ZNF681: variants seen among roughly 807,000 people sequenced by gnomAD.
The protein encoded by ZNF681 is hypothetical protein FLJ31526.
Under a neutral mutation model 56.0 loss-of-function variants are expected in ZNF681, and 37 were observed. The ratio of observed to expected loss-of-function variants is 0.66; its 90% CI spans 0.51 to 0.87. ZNF681 has a LOEUF of 0.87. ZNF681 is among the 40% of genes least tolerant of loss of function. The probability of loss-of-function intolerance (pLI) is 0.00; values close to 1 mark genes in which losing one functional copy is unlikely to be tolerated. For missense variants in ZNF681, 741 were observed against 744.9 expected (o/e 0.99, Z 0.06); for synonymous variants, 225 against 248.6 (o/e 0.91, Z 0.89).
At chr19:23,747,328 C>T (rs1194413454) in intron 3 of ZNF681, among the ~76,000 whole-genome samples, 1 of 152,054 alleles carries the variant, frequency 6.6e-6, no homozygotes, top group East Asian at 1.9e-4. Flanking sequence ...TGAATATATT[C>T]AATATAATTT....
chr19:23,754,913 C>A lies in ZNF681; in HGVS notation c.136G>T (p.Val46Phe). The A allele has an allele frequency of 6.2e-7, 1 of 1,611,276 alleles. No homozygotes were observed. The highest frequency in any genetic ancestry group is 8.5e-7 in the Non-Finnish European group (1 of 1,179,170). The part of the protein sequence containing the change: ...NYRNLVFLGI[V>F]VSKPDLITCL... ...GTGATCAGGTCTGGCTTAGAGACAA[C>A]AATACCTGTTTTATTGAAAGTAAAT... The change falls in exon 3 of 4, where the codon GTT becomes TTT. Residue 46 changes from valine (V) to phenylalanine (F), a missense_variant. By Grantham distance (50) the Val-to-Phe change is conservative. Transcript: ENST00000402377.
chr19:23,749,350 G>A (rs753724394), intron 3 of ZNF681, among the ~76,000 whole-genome samples: 1 of 152,110 alleles, frequency 6.6e-6, no homozygotes, highest in African/African-American at 2.4e-5. Flanking sequence ...ATGTTCAGCT[G>A]TTACTTAATG....
chr19:23,745,643 G>T (rs1490650299), intron 3 of ZNF681, among the ~76,000 whole-genome samples: 1 of 151,694 alleles, frequency 6.6e-6, no homozygotes, highest in Non-Finnish European at 1.5e-5. Flanking sequence ...AGTAGAAACG[G>T]GGTTTCACCA....
In ZNF681 at chr19:23,739,832, T is replaced by C. The variant is rs1968856605; in HGVS notation, c.*3780A>G. On this transcript the variant is annotated 3_prime_UTR_variant, in exon 4 of 4. Transcript: ENST00000402377. ...CTGAACTTCACCCACTAAAAAAACATATAAAACTGAGAAAATTTCTTCAAA... is the reference window on the plus strand; with the variant it reads ...CTGAACTTCACCCACTAAAAAAACACATAAAACTGAGAAAATTTCTTCAAA... The C allele has an allele frequency of 6.6e-6, 1 of 152,088 alleles. No homozygotes were observed. Among genetic ancestry groups the C allele is most frequent in the African/African-American group, 2.4e-5 (1 of 41,412 alleles). 9.4% of individuals were successfully genotyped at this position (152,088 alleles called of 1,614,324 possible).
In ZNF681 at chr19:23,740,169, T is replaced by G. The variant is rs1302813566; in HGVS notation, c.*3443A>C. ...GACACTGTATGCTTTTTGTTTTAAT[T>G]TAACTGATCAGAAAATTATATTGAT... On this transcript the variant is annotated 3_prime_UTR_variant, in exon 4 of 4. Coordinates refer to ENST00000402377, the MANE Select transcript of ZNF681 (RefSeq NM_138286.3). 1.3e-5 allele frequency: 2 copies of G among 152,168 alleles called. No individual in the cohort carries two copies. The highest frequency in any genetic ancestry group is 2.9e-5 in the Non-Finnish European group (2 of 68,018). The allele number at this position is 152,168 out of a possible 1,614,324, so 9.4% of individuals were successfully genotyped here. A position where few individuals can be genotyped will look rare whatever the true frequency, so the allele number is the denominator to read the frequency against.
At position 23,755,501 on chromosome 19, in the gene ZNF681, C is replaced by G; in HGVS notation, c.54G>C (p.Trp18Cys). Residue 18 changes from tryptophan to cysteine, a missense_variant, in exon 2 of 4, where the codon TGG becomes TGC. Trp to Cys is a radical substitution (Grantham distance 215). Transcript: ENST00000402377. ...DVAIEFSLEE[W>C]QCLDTIQQNL... ...TCTGCTGTATAGTGTCCAGGCATTG[C>G]CACTCCTCCAGAGAGAATTCTATGG... 11 of 1,599,462 alleles carry G rather than the reference C, an allele frequency of 6.9e-6. No individual in the cohort carries two copies. Among genetic ancestry groups the G allele is most frequent in the Non-Finnish European group, 9.4e-6 (11 of 1,171,982 alleles).
At chr19:23,746,207 G>A (rs922908572) in intron 3 of ZNF681, among the ~76,000 whole-genome samples, 1 of 151,916 alleles carries the variant, frequency 6.6e-6, no homozygotes, top group Non-Finnish European at 1.5e-5. Context: ...CCAGCTACTC[G>A]GGAGGCTGAG....
chr19:23,750,735 G>T (rs189407629), intron 3 of ZNF681, among the ~76,000 whole-genome samples: 1 of 151,482 alleles, frequency 6.6e-6, no homozygotes, highest in African/African-American at 2.4e-5. Flanking sequence ...CCAGCTACTC[G>T]GGAGGCTGAA....
chr19:23,750,824 C>CG (rs1300653459), intron 3 of ZNF681, among the ~76,000 whole-genome samples: 1 of 9,128 alleles, frequency 1.1e-4, no homozygotes. Context: ...GACCGCATCT[C>CG]TAAAAAAAAA....
chr19:23,755,532 T>A lies in ZNF681; in HGVS notation c.23A>T (p.Asp8Val). ...CTCCAGAGAGAATTCTATGGCCACA[T>A]CCCTAAATTTCAATGGTTCCTGAAA... MEPLKFR[D>V]VAIEFSLEEW... Residue 8 changes from aspartate to valine, a missense_variant, in exon 2 of 4, where the codon GAT (aspartate) becomes GTT (valine). Coordinates refer to ENST00000402377, the MANE Select transcript of ZNF681 (RefSeq NM_138286.3). 2 of 1,599,290 alleles carry A rather than the reference T, an allele frequency of 1.3e-6. No individual in the cohort carries two copies. Among genetic ancestry groups the A allele is most frequent in the Non-Finnish European group, 1.7e-6 (2 of 1,174,022 alleles).
chr19:23,745,059 T>C lies in ZNF681; in HGVS notation c.491A>G (p.His164Arg). ...ATATTTAAAAGGTTTTTTTCTGGTGTGTCTTACCTTATGTCCATTTAAATT... is the reference window on the plus strand; with the variant it reads ...ATATTTAAAAGGTTTTTTTCTGGTGCGTCTTACCTTATGTCCATTTAAATT... ...FSNLNGHKVR[H>R]TRKKPFKYKE... Residue 164 changes from histidine to arginine, a missense_variant, in exon 4 of 4, where the codon CAC becomes CGC. Transcript: ENST00000402377. 1 of 1,596,124 alleles carries C rather than the reference T, an allele frequency of 6.3e-7. No homozygotes were observed. The highest frequency in any genetic ancestry group is 1.3e-5 in the African/African-American group (1 of 74,210).
At chr19:23,758,706 C>A (rs750315786) in intron 1 of ZNF681, 41 bp downstream of exon 1, 1 of 1,614,166 alleles carries the variant, frequency 6.2e-7, no homozygotes, top group East Asian at 2.2e-5. Flanking sequence ...CCCGCCACAG[C>A]CCCTTCCCCT....
In ZNF681 at chr19:23,755,450, C is replaced by T. The variant is rs1969099222; in HGVS notation, c.105G>A (p.Glu35=). 6.2e-7 allele frequency: 1 copy of T among 1,611,662 alleles called. No individual in the cohort carries two copies. The highest frequency in any genetic ancestry group is 1.1e-5 in the South Asian group (1 of 90,962). Residue 35 remains glutamate (E), a synonymous_variant, in exon 2 of 4, where the codon GAG becomes GAA. Transcript: ENST00000402377. ...CCAAGAAGACCAGGTTTCTGTAGTT[C>T]TCTAACATCACATTCCTATATAAAT... ...QQNLYRNVML[E]NYRNLVFLGI...
rs527991992 is a variant in ZNF681 at position 23,750,554 on chromosome 19, C to G, written c.226+4269G>C. 3.3e-5 allele frequency among the ~76,000 whole-genome samples: 5 copies of G among 151,686 alleles called. No individual in the cohort carries two copies. In the East Asian group the frequency reaches 7.9e-4, roughly 24 times the overall value. ...AGAAACCTACACTAAAAAAAACACA[C>G]TAGTAGGCCAGGCACGGTGGCTCAC... On this transcript the variant is annotated intron_variant, in intron 3 of 3. Coordinates refer to ENST00000402377, the MANE Select transcript of ZNF681 (RefSeq NM_138286.3).
rs1016155591 is a variant in ZNF681 at position 23,740,116 on chromosome 19, G to A, written c.*3496C>T. 8 of 152,042 alleles carry A rather than the reference G, an allele frequency of 5.3e-5. No homozygotes were observed. Among genetic ancestry groups the A allele is most frequent in the Non-Finnish European group, 1.0e-4 (7 of 67,996 alleles). 9.4% of individuals were successfully genotyped at this position (152,042 alleles called of 1,614,324 possible). On this transcript the variant is annotated 3_prime_UTR_variant, in exon 4 of 4. Transcript: ENST00000402377. ...TCTTTAACAAACAGAGAAAAACAACGCTAAATGATTTAATCCTTTCATCTG... is the reference window on the plus strand; with the variant it reads ...TCTTTAACAAACAGAGAAAAACAACACTAAATGATTTAATCCTTTCATCTG...
chr19:23,758,630 T>C, intron 1 of ZNF681, 117 bp downstream of exon 1: 1 of 1,529,076 alleles, frequency 6.5e-7, no homozygotes, highest in East Asian at 2.2e-5. Flanking sequence ...CCAAGTGGAC[T>C]GAGGCCGCCT....
chr19:23,757,235 G>C (rs1969136205), intron 1 of ZNF681, among the ~76,000 whole-genome samples: 1 of 151,758 alleles, frequency 6.6e-6, no homozygotes, highest in Non-Finnish European at 1.5e-5. Context: ...AAAAGAAAAA[G>C]AAAAAAAATT....
chr19:23,755,637 T>A (rs1969105730), intron 1 of ZNF681, 86 bp from the exon 2 acceptor site: 3 of 1,344,108 alleles, frequency 2.2e-6, no homozygotes, highest in Non-Finnish European at 2.9e-6. Flanking sequence ...GAATTTATAA[T>A]TTGATTCAAG....
intron 1 of ZNF681, 49 bp from the exon 2 acceptor site, chr19:23,755,600 TACAC>T (rs56406650): frequency 6.2e-6 from 4 of 647,014 alleles, no homozygotes; most frequent in African/African-American, 6.0e-5. Context: ...CACACACACA[TACAC>T]ATTTAGAAAG....
Sources: gnomAD v4.1 joint callset for allele counts (sites outside exome capture counted in the v4.1 genomes callset) on GRCh38, gnomAD v4.1.1 for gene constraint, MANE v1.5 for transcripts, NCBI Gene and HGNC (gene_info 2026-07-23, HGNC 2026-07-21) for gene names.